PCNX1: variants seen among roughly 807,000 people sequenced by gnomAD.
The protein encoded by PCNX1 is pecanex 1.
Under a neutral mutation model 242.2 loss-of-function variants are expected in PCNX1, and 78 were observed. The observed-to-expected ratio is 0.32, with a 90% CI of 0.27 to 0.39. The LOEUF (loss-of-function observed/expected upper bound fraction) is 0.39, where lower values mean the gene tolerates loss of function less well. Ranked by LOEUF, PCNX1 falls within the 10% of genes least tolerant of loss-of-function variation. The pLI, the probability that PCNX1 is intolerant of heterozygous loss-of-function variation, is 1.00. For missense variants in PCNX1, 2,581 were observed against 2,856.5 expected (o/e 0.90, Z 2.20); for synonymous variants, 1,024 against 1,032.9 (o/e 0.99, Z 0.17).
chr14:71,015,307 A>G (rs547341874), intron 11 of PCNX1, among the ~76,000 whole-genome samples: 1 of 152,312 alleles, frequency 6.6e-6, no homozygotes, highest in East Asian at 1.9e-4. Flanking sequence ...TAAATGTAAA[A>G]TATTTTTTCT....
In PCNX1 at chr14:71,073,455, G is replaced by C. The variant is rs1253401893; in HGVS notation, c.4853-90G>C. On this transcript the variant is annotated intron_variant, in intron 26 of 35. Coordinates refer to ENST00000304743, the MANE Select transcript of PCNX1 (RefSeq NM_014982.3). Reference sequence around the variant, plus strand: ...CATACTTTCAATTGCAATAAAATATGTATTTTTTTCTAAATCTTATGTGTC... The same window carrying C: ...CATACTTTCAATTGCAATAAAATATCTATTTTTTTCTAAATCTTATGTGTC... 6 of 1,225,620 alleles carry C rather than the reference G, an allele frequency of 4.9e-6. No individual in the cohort carries two copies. The Admixed American group carries it at 1.3e-4, about 27-fold the overall frequency. The allele number at this position is 1,225,620 out of a possible 1,614,324, so 75.9% of individuals were successfully genotyped here.
intron 1 of PCNX1, among the ~76,000 whole-genome samples, chr14:70,922,817 ACG>A (rs2140101808): frequency 6.7e-6 from 1 of 148,262 alleles, no homozygotes; most frequent in South Asian, 2.1e-4. Context: ...GTGAACACTT[ACG>A]TATATAAGAC....
At chr14:70,962,873 C>A (rs1306637412) in intron 3 of PCNX1, among the ~76,000 whole-genome samples, 1 of 152,168 alleles carries the variant, frequency 6.6e-6, no homozygotes, top group Admixed American at 6.5e-5. Flanking sequence ...ATCCTAAATA[C>A]CCGTACACTA....
chr14:70,947,184 A>C, intron 2 of PCNX1, 61 bp downstream of exon 2: 1 of 1,221,392 alleles, frequency 8.2e-7, no homozygotes, highest in Non-Finnish European at 1.2e-6. Flanking sequence ...CTGTATAATG[A>C]TGTGATTATT....
Position 70,977,806 on chromosome 14 carries a change from C to A in PCNX1, c.1469C>A (p.Ala490Asp), listed in dbSNP as rs865960171. The change falls in exon 6 of 36, where the codon GCC becomes GAC. Residue 490 changes from alanine (A) to aspartate (D), a missense_variant. Physicochemically the swap from Ala to Asp is moderately radical, Grantham distance 126 (BLOSUM62 -2). Coordinates refer to ENST00000304743, the MANE Select transcript of PCNX1 (RefSeq NM_014982.3). ...RGLSTSASEE[A>D]NKNPHANEFT... ...CTCAGCACCTCTGCATCTGAAGAAGCCAATAAAAATCCCCATGCAAATGAA... is the reference window on the plus strand; with the variant it reads ...CTCAGCACCTCTGCATCTGAAGAAGACAATAAAAATCCCCATGCAAATGAA... 1 of 1,614,004 alleles carries A rather than the reference C, an allele frequency of 6.2e-7. No individual in the cohort carries two copies. Among genetic ancestry groups the A allele is most frequent in the Non-Finnish European group, 8.5e-7 (1 of 1,180,006 alleles).
At chr14:71,022,448 A>C (rs1394050220) in intron 12 of PCNX1, among the ~76,000 whole-genome samples, 5 of 152,202 alleles carry the variant, frequency 3.3e-5, no homozygotes, top group Non-Finnish European at 4.4e-5. Context: ...CTGTGGTTAA[A>C]AGAGTTTAAA....
At chr14:71,010,162 A>G (rs1178551200) in intron 9 of PCNX1, among the ~76,000 whole-genome samples, 1 of 152,146 alleles carries the variant, frequency 6.6e-6, no homozygotes, top group African/African-American at 2.4e-5. Flanking sequence ...ATTGTTTTTA[A>G]AACAAAAGCT....
intron 8 of PCNX1, among the ~76,000 whole-genome samples, chr14:70,998,857 T>G (rs992229897): frequency 1.3e-5 from 2 of 151,820 alleles, no homozygotes; most frequent in Admixed American, 6.6e-5. Context: ...TCAAATGACT[T>G]AAGTGTTGGA....
At chr14:71,065,782 A>G (rs1482104735) in intron 26 of PCNX1, among the ~76,000 whole-genome samples, 4 of 152,118 alleles carry the variant, frequency 2.6e-5, no homozygotes, top group African/African-American at 7.2e-5. Flanking sequence ...TCTTGAGTTA[A>G]TTTTTGTATA....
chr14:71,060,852 T>A (rs1170593339), intron 26 of PCNX1: 2 of 152,154 alleles, frequency 1.3e-5, no homozygotes, highest in African/African-American at 4.8e-5. Flanking sequence ...AACAAAAAGT[T>A]TGTTTGCGAT....
intron 2 of PCNX1, among the ~76,000 whole-genome samples, chr14:70,952,305 A>G (rs550939296): frequency 2.0e-5 from 3 of 152,314 alleles, no homozygotes; most frequent in African/African-American, 7.2e-5. Flanking sequence ...CCAAACACTA[A>G]GTTAGCAATA....
chr14:70,930,124 T>G (rs2056738653), intron 1 of PCNX1, among the ~76,000 whole-genome samples: 1 of 152,004 alleles, frequency 6.6e-6, no homozygotes, highest in Non-Finnish European at 1.5e-5. Context: ...TGTGTGTGTG[T>G]ATGTGTGTAT....
rs148263850 is a variant in PCNX1, at chr14:70,977,519, C to T, written c.1182C>T (p.Asn394=). ...GCAGTGGAACGGACCGGGACACTAA[C>T]AGTACTGTCAGCAGCTATAAAAGTG... ...SYCSGTDRDT[N]STVSSYKSEQ... is the part of the protein sequence containing the mutation. The change falls in exon 6 of 36, where the codon AAC becomes AAT. Residue 394 remains asparagine, a synonymous_variant. Coordinates refer to ENST00000304743, the MANE Select transcript of PCNX1 (RefSeq NM_014982.3). 1.1e-5 allele frequency: 17 copies of T among 1,614,044 alleles called. No homozygotes were observed. The East Asian group carries it at 3.8e-4, about 36-fold the overall frequency.
chr14:70,934,636 C>T (rs1181783435), intron 1 of PCNX1, among the ~76,000 whole-genome samples: 1 of 152,004 alleles, frequency 6.6e-6, no homozygotes, highest in Non-Finnish European at 1.5e-5. Context: ...GAAATATTCA[C>T]ATTGAAATTA....
chr14:71,053,169 AATT>A, intron 24 of PCNX1: 1 of 413,584 alleles, frequency 2.4e-6, no homozygotes, highest in South Asian at 1.8e-5. Context: ...TGGTGTTATT[AATT>A]ATTATTCCTC....
chr14:70,916,443 C>T (rs748269634), intron 1 of PCNX1, among the ~76,000 whole-genome samples: 11 of 151,966 alleles, frequency 7.2e-5, no homozygotes, highest in African/African-American at 2.2e-4. Context: ...AGAGTACAGG[C>T]GTACCTTGGA....
In PCNX1 at chr14:70,924,744, A is replaced by G. The variant is rs376190795; in HGVS notation, c.153+16741A>G. ...CTGGGCTGTAAGCACACACCCCACC[A>G]CGCCTGGGTAATTTTTGTATTTTTT... On this transcript the variant is annotated intron_variant, in intron 1 of 35. Coordinates refer to ENST00000304743, the MANE Select transcript of PCNX1 (RefSeq NM_014982.3). Among the ~76,000 whole-genome samples the G allele has an allele frequency of 6.7e-4, 102 of 151,736 alleles. 1 individual carries two copies. The Middle Eastern group carries it at 0.02, about 30-fold the overall frequency.
intron 13 of PCNX1, among the ~76,000 whole-genome samples, chr14:71,024,632 T>C (rs1218462348): frequency 6.6e-6 from 1 of 152,236 alleles, no homozygotes; most frequent in African/African-American, 2.4e-5. Flanking sequence ...TACTAATTTA[T>C]CCTGTTACTA....
chr14:71,110,907 A>C lies in PCNX1; in HGVS notation c.*972A>C, dbSNP rs1286877739. 2.6e-5 allele frequency: 4 copies of C among 152,806 alleles called. No homozygotes were observed. Among genetic ancestry groups the C allele is most frequent in the Non-Finnish European group, 4.4e-5 (3 of 68,032 alleles). 9.5% of individuals were successfully genotyped at this position (152,806 alleles called of 1,614,324 possible). Reference sequence around the variant, plus strand: ...TTAAGAAGAAGATGAATGTCCAGGAATTTAAAGAAAGGATCGATTGCCTTT... The same window carrying C: ...TTAAGAAGAAGATGAATGTCCAGGACTTTAAAGAAAGGATCGATTGCCTTT... On this transcript the variant is annotated 3_prime_UTR_variant, in exon 36 of 36. Transcript: ENST00000304743.
Sources: allele counts gnomAD v4.1 joint callset (sites outside exome capture counted in the v4.1 genomes callset), GRCh38; gene constraint gnomAD v4.1.1; transcripts MANE v1.5; gene names NCBI Gene and HGNC (gene_info 2026-07-23, HGNC 2026-07-21).